Variants in NEU3 observed in about 807,000 individuals in gnomAD.
The protein encoded by NEU3 is sialidase-3.
In NEU3, 10 loss-of-function variants were observed where a neutral mutation model predicts 11.4. The observed-to-expected ratio is 0.88, with a 90% CI of 0.54 to 1.49. The LOEUF (loss-of-function observed/expected upper bound fraction) is 1.49. Ranked by LOEUF, NEU3 falls within the 40% of genes most tolerant of loss-of-function variation. The pLI is 0.00. For synonymous variants in NEU3, 212 were observed against 228.2 expected, an observed-to-expected ratio of 0.93 and a Z score of 0.64; for missense variants, 529 against 581.8, an observed-to-expected ratio of 0.91 and a Z score of 0.93.
At chr11:74,990,038 C>T (rs1948713450) in intron 1 of NEU3, 1 of 702,098 alleles carries the variant, frequency 1.4e-6, no homozygotes, top group African/African-American at 1.7e-5. Flanking sequence ...TCAACACGAT[C>T]AGCATAATTA....
At chr11:75,013,919 C>A (rs1948970546), downstream of NEU3, among the ~76,000 whole-genome samples, 1 of 152,102 alleles carries the variant, frequency 6.6e-6, no homozygotes, top group Non-Finnish European at 1.5e-5. Context: ...GTTTACCTTG[C>A]AGGTTGATAT....
At chr11:75,017,941 G>C (rs1948987911) in intron 3 of NEU3, among the ~76,000 whole-genome samples, 1 of 152,148 alleles carries the variant, frequency 6.6e-6, no homozygotes, top group South Asian at 2.1e-4. Context: ...AGTGAAGAGA[G>C]AAAAATTAAA....
chr11:75,006,324 G>T lies in NEU3; in HGVS notation c.1218G>T (p.Leu406=). The T allele has an allele frequency of 6.2e-7, 1 of 1,613,982 alleles. No individual in the cohort carries two copies. Among genetic ancestry groups the T allele is most frequent in the Non-Finnish European group, 8.5e-7 (1 of 1,179,898 alleles). ...GTGGGCCCTGTGGCTACTCTGATCT[G>T]GCTGCTCTGGAGGAGGAGGGCTTGT... ...LHCGPCGYSD[L]AALEEEGLFG... Residue 406 remains leucine, a synonymous_variant, in exon 3 of 3, where the codon CTG becomes CTT. Transcript: ENST00000294064.
upstream of NEU3, among the ~76,000 whole-genome samples, chr11:74,984,901 A>C (rs376955051): frequency 6.6e-6 from 1 of 152,142 alleles, no homozygotes; most frequent in Non-Finnish European, 1.5e-5. Flanking sequence ...CTGAACCATG[A>C]GTGAGGAGTT....
At position 74,994,574 on chromosome 11, in the gene NEU3, G is replaced by C. The variant is rs370929932; in HGVS notation, c.160G>C (p.Gly54Arg). 1 of 1,613,820 alleles carries C rather than the reference G, an allele frequency of 6.2e-7. No homozygotes were observed. The highest frequency in any genetic ancestry group is 8.5e-7 in the Non-Finnish European group (1 of 1,179,882). ...TCTGTTCCGGCAGGAAGATGACAGA[G>C]GGATTACCTACCGGATCCCAGCCCT... ...SPLFRQEDDR[G>R]ITYRIPALLY... Residue 54 changes from glycine to arginine, a missense_variant, in exon 2 of 3, where the codon GGG becomes CGG. Coordinates refer to ENST00000294064, the MANE Select transcript of NEU3 (RefSeq NM_006656.6).
At chr11:74,997,868 A>C (rs1299262436) in intron 2 of NEU3, among the ~76,000 whole-genome samples, 4 of 152,084 alleles carry the variant, frequency 2.6e-5, no homozygotes, top group African/African-American at 9.7e-5. Context: ...GTTTCAAAAA[A>C]AAAAAAGAAC....
rs367851903 is a variant in NEU3 at position 75,006,186 on chromosome 11, A to G, written c.1080A>G (p.Ser360=). The change falls in exon 3 of 3, where the codon TCA becomes TCG. Residue 360 remains serine (S), a synonymous_variant. Transcript: ENST00000294064. ...AGGAAGCTGGAACACCGTCAGAATC[A>G]TGGCTCTTGTACTCACACCCAACCA... ...LEEEAGTPSE[S]WLLYSHPTSR... is the part of the protein sequence containing the mutation. 60 of 1,614,026 alleles carry G rather than the reference A, an allele frequency of 3.7e-5. No individual in the cohort carries two copies. Among genetic ancestry groups the G allele is most frequent in the East Asian group, 6.7e-5 (3 of 44,880 alleles).
At chr11:75,002,341 T>C (rs1028836209) in intron 2 of NEU3, among the ~76,000 whole-genome samples, 2 of 152,238 alleles carry the variant, frequency 1.3e-5, no homozygotes, top group Admixed American at 1.3e-4. Flanking sequence ...GTTTTGTCCA[T>C]TTATACAGAA....
chr11:75,006,288 G>T lies in NEU3; in HGVS notation c.1182G>T (p.Trp394Cys). ...PLEAACWSRP[W>C]ILHCGPCGYS... ...AGGCTGCCTGCTGGTCCCGCCCCTG[G>T]ATCTTGCACTGTGGGCCCTGTGGCT... The change falls in exon 3 of 3, where the codon TGG becomes TGT. Residue 394 changes from tryptophan (W) to cysteine (C), a missense_variant. Physicochemically the swap from Trp to Cys is radical, Grantham distance 215. Transcript: ENST00000294064. 1 of 1,613,996 alleles carries T rather than the reference G, an allele frequency of 6.2e-7. No homozygotes were observed. The highest frequency in any genetic ancestry group is 1.1e-5 in the South Asian group (1 of 91,080).
rs890259398 is a variant in NEU3 at position 75,010,336 on chromosome 11, A to C, written c.*3844A>C. On this transcript the variant is annotated 3_prime_UTR_variant, in exon 3 of 3. Coordinates refer to ENST00000294064, the MANE Select transcript of NEU3 (RefSeq NM_006656.6). The stretch of plus-strand genomic sequence containing the variant: ...TCTCTTTGTCCTCTGCACCCAGCGT[A>C]GGGCCTGAAACAGAGTAGCTAGCAG... 1.4e-4 allele frequency: 21 copies of C among 152,202 alleles called. No individual in the cohort carries two copies. The highest frequency in any genetic ancestry group is 5.1e-4 in the African/African-American group (21 of 41,448). The allele number at this position is 152,202 out of a possible 1,614,324, so 9.4% of individuals were successfully genotyped here. A position where few individuals can be genotyped will look rare whatever the true frequency, so the allele number is the denominator to read the frequency against.
chr11:75,006,335 A>G lies in NEU3; in HGVS notation c.1229A>G (p.Glu410Gly). ...GGCTACTCTGATCTGGCTGCTCTGGAGGAGGAGGGCTTGTTTGGGTGTTTG... is the reference window on the plus strand; with the variant it reads ...GGCTACTCTGATCTGGCTGCTCTGGGGGAGGAGGGCTTGTTTGGGTGTTTG... Reference protein sequence around the residue: ...PCGYSDLAALEEEGLFGCLFE... With the variant: ...PCGYSDLAALGEEGLFGCLFE... Residue 410 changes from glutamate to glycine, a missense_variant, in exon 3 of 3, where the codon GAG becomes GGG. Glu to Gly is a moderately conservative substitution (Grantham distance 98, BLOSUM62 -2). Transcript: ENST00000294064. 1 of 1,613,834 alleles carries G rather than the reference A, an allele frequency of 6.2e-7. No homozygotes were observed. The highest frequency in any genetic ancestry group is 8.5e-7 in the Non-Finnish European group (1 of 1,179,868).
rs563305803 is a variant in NEU3, at chr11:74,993,796, A to C, written c.95-713A>C. On this transcript the variant is annotated intron_variant, in intron 1 of 2. Coordinates refer to ENST00000294064, the MANE Select transcript of NEU3 (RefSeq NM_006656.6). ...GTCTGGAGGTGGCATAGGGCATCAC[A>C]TGGCAAGGGGGCTGATTATGCTAGC... 4.6e-5 allele frequency among the ~76,000 whole-genome samples: 7 copies of C among 152,168 alleles called. No homozygotes were observed. The South Asian group carries it at 1.5e-3, about 32-fold the overall frequency.
rs1424895960 is a variant in NEU3 at position 75,009,235 on chromosome 11, G to C, written c.*2743G>C. The C allele has an allele frequency of 6.6e-6, 1 of 152,308 alleles. No individual in the cohort carries two copies. Among genetic ancestry groups the C allele is most frequent in the Non-Finnish European group, 1.5e-5 (1 of 68,118 alleles). The allele number at this position is 152,308 out of a possible 1,614,324, so 9.4% of individuals were successfully genotyped here. On this transcript the variant is annotated 3_prime_UTR_variant, in exon 3 of 3. Coordinates refer to ENST00000294064, the MANE Select transcript of NEU3 (RefSeq NM_006656.6). Reference sequence around the variant, plus strand: ...GACACGAGGCCTAGGCTAGAGAGATGGTGTAGGTGGTAGCTGCTGTGAAGA... The same window carrying C: ...GACACGAGGCCTAGGCTAGAGAGATCGTGTAGGTGGTAGCTGCTGTGAAGA...
At position 74,994,725 on chromosome 11, in the gene NEU3, C is replaced by CAGGGCAGTTGG. The variant is rs1948770265; in HGVS notation, c.306+5_306+6insAGGGCAGTTGG. The CAGGGCAGTTGG allele has an allele frequency of 2.5e-6, 4 of 1,612,270 alleles. No homozygotes were observed. The highest frequency in any genetic ancestry group is 1.6e-4 in the Middle Eastern group (1 of 6,082). ...AGGATTGGGCAGTTGGTACAGGTGACTCTTCATCCCAGATCTGAGTCTGGG... is the reference window on the plus strand; with the variant it reads ...AGGATTGGGCAGTTGGTACAGGTGACAGGGCAGTTGGTCTTCATCCCAGATCTGAGTCTGGG... On this transcript the variant is annotated splice_donor_region_variant and intron_variant, in intron 2 of 2. Transcript: ENST00000294064.
chr11:75,015,042 G>T (rs1205549729), downstream of NEU3, among the ~76,000 whole-genome samples: 1 of 152,058 alleles, frequency 6.6e-6, no homozygotes, highest in Non-Finnish European at 1.5e-5. Flanking sequence ...CATAATGTGT[G>T]CGCAATGTGT....
intron 2 of NEU3, among the ~76,000 whole-genome samples, chr11:75,001,506 C>T (rs892053027): frequency 1.3e-5 from 2 of 152,084 alleles, no homozygotes; most frequent in Non-Finnish European, 2.9e-5. Flanking sequence ...TGGTCTCAAA[C>T]TCCTGACCTC....
chr11:74,985,274 T>A (rs1165509837), upstream of NEU3, among the ~76,000 whole-genome samples: 2 of 152,162 alleles, frequency 1.3e-5, no homozygotes, highest in Admixed American at 6.6e-5. Flanking sequence ...CTACTGCCAT[T>A]AAAAATATAT....
At chr11:74,995,944 A>G (rs1948786670) in intron 2 of NEU3, among the ~76,000 whole-genome samples, 1 of 152,136 alleles carries the variant, frequency 6.6e-6, no homozygotes, top group African/African-American at 2.4e-5. Flanking sequence ...GCTTGAGCTC[A>G]GGAGTTCAAG....
chr11:75,004,286 GT>G (rs1287944942), intron 2 of NEU3: 2 of 680,184 alleles, frequency 2.9e-6, no homozygotes, highest in Non-Finnish European at 2.7e-6. Flanking sequence ...TAGTTATTTT[GT>G]TTTATTTTTA....
Sources: gnomAD v4.1 joint callset for allele counts (sites outside exome capture counted in the v4.1 genomes callset) on GRCh38, gnomAD v4.1.1 for gene constraint, MANE v1.5 for transcripts, NCBI Gene and HGNC (gene_info 2026-07-23, HGNC 2026-07-21) for gene names.